Variants in CTNNA2 observed in about 807,000 individuals in gnomAD.
CTNNA2 encodes the protein catenin alpha-2.
A neutral mutation model predicts 101.0 loss-of-function variants in CTNNA2; 42 were observed. The ratio of observed to expected loss-of-function variants is 0.42; its 90% CI spans 0.32 to 0.54. The LOEUF (loss-of-function observed/expected upper bound fraction) is 0.54, where lower values mean the gene tolerates loss of function less well. CTNNA2 is among the 20% of genes least tolerant of loss of function. CTNNA2 has a pLI of 0.14. For synonymous variants in CTNNA2, 450 were observed against 456.4 expected, an observed-to-expected ratio of 0.99 and a Z score of 0.18; for missense variants, 871 against 1,223.1, an observed-to-expected ratio of 0.71 and a Z score of 4.29.
chr2:79,546,968 G>C (rs1673771658), intron 1 of CTNNA2, among the ~76,000 whole-genome samples: 1 of 138,022 alleles, frequency 7.2e-6, no homozygotes, highest in South Asian at 2.4e-4. Flanking sequence ...TAATTTTTTA[G>C]AAATTTGTGG....
chr2:79,331,220 T>C (rs79418960), intron 3 of CTNNA2, among the ~76,000 whole-genome samples: 17,320 of 152,108 alleles, frequency 0.11, 1,071 homozygotes, highest in East Asian at 0.23. Flanking sequence ...TCCCTGCCAG[T>C]CTTCATTCCT....
At chr2:80,321,829 A>G (rs1678721467) in intron 7 of CTNNA2, among the ~76,000 whole-genome samples, 1 of 152,220 alleles carries the variant, frequency 6.6e-6, no homozygotes, top group African/African-American at 2.4e-5. Context: ...TGTTTAATCA[A>G]TACCTTATTT....
chr2:79,520,565 G>C (rs1393726686), intron 1 of CTNNA2, among the ~76,000 whole-genome samples: 3 of 152,126 alleles, frequency 2.0e-5, no homozygotes, highest in Admixed American at 2.0e-4. Context: ...AGGTTTGTTA[G>C]AACTACATGT....
intron 1 of CTNNA2, among the ~76,000 whole-genome samples, chr2:79,580,406 C>T (rs528441765): frequency 1.1e-4 from 16 of 152,168 alleles, no homozygotes; most frequent in Admixed American, 2.0e-4. Context: ...AGCTGACGGC[C>T]GGCAAGAAAA....
intron 7 of CTNNA2, among the ~76,000 whole-genome samples, chr2:80,063,206 G>A (rs954491189): frequency 6.6e-6 from 1 of 151,900 alleles, no homozygotes; most frequent in Non-Finnish European, 1.5e-5. Flanking sequence ...CTCCCCTCCT[G>A]CCCTTTCCTC....
intron 9 of CTNNA2, among the ~76,000 whole-genome samples, chr2:80,531,545 C>T (rs1690543405): frequency 6.6e-6 from 1 of 152,190 alleles, no homozygotes; most frequent in African/African-American, 2.4e-5. Context: ...AGTACTGACT[C>T]AGAATTGCTT....
chr2:80,374,045 A>C (rs1338281718), intron 7 of CTNNA2, among the ~76,000 whole-genome samples: 1 of 148,994 alleles, frequency 6.7e-6, no homozygotes, highest in Non-Finnish European at 1.5e-5. Flanking sequence ...AAAATACCAA[A>C]GACTGGGAAA....
At chr2:80,298,117 A>G in intron 7 of CTNNA2, 1 of 151,876 alleles carries the variant, frequency 6.6e-6, no homozygotes, top group East Asian at 1.9e-4. Context: ...ATTGAGAGGT[A>G]GGAGTGTGTG....
chr2:79,637,261 G>A (rs1680137783), intron 1 of CTNNA2, among the ~76,000 whole-genome samples: 1 of 152,194 alleles, frequency 6.6e-6, no homozygotes, highest in Non-Finnish European at 1.5e-5. Context: ...GAAAAGGGGT[G>A]AAATTGAGGA....
intron 15 of CTNNA2, among the ~76,000 whole-genome samples, chr2:80,590,442 TTC>T (rs1696378329): frequency 8.4e-6 from 1 of 118,932 alleles, no homozygotes; most frequent in African/African-American, 3.3e-5. Flanking sequence ...GTGTTTTTTT[TTC>T]TGGAAAACAC....
At chr2:79,664,755 C>T (rs967011893) in intron 2 of CTNNA2, among the ~76,000 whole-genome samples, 6 of 135,550 alleles carry the variant, frequency 4.4e-5, no homozygotes, top group African/African-American at 1.1e-4. Flanking sequence ...GCTGTCTCCC[C>T]GGTTGGAGTG....
chr2:79,963,934 C>T (rs573989293), intron 7 of CTNNA2, among the ~76,000 whole-genome samples: 1 of 152,240 alleles, frequency 6.6e-6, no homozygotes, highest in South Asian at 2.1e-4. Context: ...TGGAGCTCTG[C>T]CTATCTAATC....
chr2:80,531,464 C>G (rs1264286174), intron 9 of CTNNA2, among the ~76,000 whole-genome samples: 1 of 152,214 alleles, frequency 6.6e-6, no homozygotes, highest in Non-Finnish European at 1.5e-5. Context: ...GTTAGAGAGG[C>G]CTCTAGAGTG....
chr2:79,272,569 C>G (rs917337062), intron 2 of CTNNA2, among the ~76,000 whole-genome samples: 5 of 151,930 alleles, frequency 3.3e-5, no homozygotes, highest in African/African-American at 1.2e-4. Flanking sequence ...AAACAAATGA[C>G]CAAGACAGAC....
chr2:79,301,941 A>G (rs144223235), intron 2 of CTNNA2, among the ~76,000 whole-genome samples: 63 of 151,996 alleles, frequency 4.1e-4, no homozygotes, highest in African/African-American at 1.4e-3. Flanking sequence ...AAATACAAAA[A>G]AATTAGCTGG....
intron 7 of CTNNA2, among the ~76,000 whole-genome samples, chr2:80,196,171 A>G (rs890737418): frequency 6.6e-6 from 1 of 152,170 alleles, no homozygotes; most frequent in African/African-American, 2.4e-5. Context: ...TAAAAAACAT[A>G]TACCCAAATT....
chr2:80,206,972 G>A (rs971758959), intron 7 of CTNNA2, among the ~76,000 whole-genome samples: 1 of 152,114 alleles, frequency 6.6e-6, no homozygotes, highest in Admixed American at 6.5e-5. Context: ...GGCATCTGAA[G>A]GCTCCTGTGT....
intron 2 of CTNNA2, among the ~76,000 whole-genome samples, chr2:79,236,209 T>C (rs1033881091): frequency 1.4e-4 from 22 of 152,184 alleles, no homozygotes; most frequent in African/African-American, 5.3e-4. Context: ...CATAACTCCC[T>C]GTACCCTCAA....
At chr2:80,076,423 T>C (rs1271458788) in intron 7 of CTNNA2, among the ~76,000 whole-genome samples, 2 of 151,942 alleles carry the variant, frequency 1.3e-5, no homozygotes, top group Admixed American at 1.3e-4. Context: ...GGACCACAGA[T>C]ATGTGCCACC....
Sources: gnomAD v4.1 joint callset for allele counts (sites outside exome capture counted in the v4.1 genomes callset) on GRCh38, gnomAD v4.1.1 for gene constraint, MANE v1.5 for transcripts, NCBI Gene and HGNC (gene_info 2026-07-23, HGNC 2026-07-21) for gene names.